Variants in PCDHGC4 observed in about 807,000 individuals in gnomAD.
The protein encoded by PCDHGC4 is protocadherin gamma subfamily C, 4.
Under a neutral mutation model 59.7 loss-of-function variants are expected in PCDHGC4, and 15 were observed. The ratio of observed to expected loss-of-function variants is 0.25; its 90% CI spans 0.17 to 0.39. The LOEUF is 0.39. PCDHGC4 is among the 10% of genes least tolerant of loss of function. The pLI, the probability that PCDHGC4 is intolerant of heterozygous loss-of-function variation, is 1.00. For synonymous variants in PCDHGC4, 434 were observed against 481.4 expected, an observed-to-expected ratio of 0.90 and a Z score of 1.29; for missense variants, 1,016 against 1,189.5, an observed-to-expected ratio of 0.85 and a Z score of 2.15.
chr5:141,491,438 G>A lies in PCDHGC4; in HGVS notation c.2443-3369G>A, dbSNP rs376927300. The A allele has an allele frequency of 3.7e-6, 6 of 1,614,066 alleles. No homozygotes were observed. Among genetic ancestry groups the A allele is most frequent in the Admixed American group, 1.7e-5 (1 of 60,016 alleles). On this transcript the variant is annotated intron_variant, in intron 1 of 3. Coordinates refer to ENST00000306593, the MANE Select transcript of PCDHGC4 (RefSeq NM_018928.3). This position sits in a 1 kb window ranked among gnomAD's most constrained non-coding sequence, Gnocchi z 6.9. ...GGGGGTGGAGGGCAGTGCTGCAGGC[G>A]CCAGGACTCACCCTCCCCGGACTTC...
Position 141,489,454 on chromosome 5 carries a change from G to C in PCDHGC4, c.2442+1839G>C, listed in dbSNP as rs1177748773. 1 of 1,613,940 alleles carries C rather than the reference G, an allele frequency of 6.2e-7. No homozygotes were observed. The highest frequency in any genetic ancestry group is 1.3e-5 in the African/African-American group (1 of 74,906). On this transcript the variant is annotated intron_variant, in intron 1 of 3. Transcript: ENST00000306593. This position sits in a 1 kb window ranked among gnomAD's most constrained non-coding sequence, Gnocchi z 4.5. ...GCTGCAATTGGGCTCTGAGGAGAAT[G>C]GGCGCTATTTTTCCCTGAGCTTGAT...
intron 2 of PCDHGC4, among the ~76,000 whole-genome samples, chr5:141,498,889 C>T (rs1415870992): frequency 3.4e-5 from 5 of 146,174 alleles, no homozygotes; most frequent in African/African-American, 1.3e-4. Flanking sequence ...GCTGAGATCA[C>T]ACCACTGCAC....
At chr5:141,501,866 C>T (rs1193396289) in intron 2 of PCDHGC4, among the ~76,000 whole-genome samples, 4 of 152,108 alleles carry the variant, frequency 2.6e-5, no homozygotes, top group South Asian at 2.1e-4. Context: ...TTTCCCAGGA[C>T]GCCTCCTTAC....
At position 141,491,251 on chromosome 5, in the gene PCDHGC4, C is replaced by A; in HGVS notation, c.2443-3556C>A. On this transcript the variant is annotated intron_variant, in intron 1 of 3. Coordinates refer to ENST00000306593, the MANE Select transcript of PCDHGC4 (RefSeq NM_018928.3). This position sits in a 1 kb window ranked among gnomAD's most constrained non-coding sequence, Gnocchi z 6.9. ...GCTGCTGGTTCTGGAGGATGAGGAC[C>A]CTGAGGAAATGCCCAAATCCAGTGA... 6.2e-7 allele frequency: 1 copy of A among 1,614,144 alleles called. No homozygotes were observed. Among genetic ancestry groups the A allele is most frequent in the Non-Finnish European group, 8.5e-7 (1 of 1,180,016 alleles).
rs537755017 is a variant in PCDHGC4 at position 141,491,797 on chromosome 5, G to A, written c.2443-3010G>A. 16 of 1,506,818 alleles carry A rather than the reference G, an allele frequency of 1.1e-5. No individual in the cohort carries two copies. In the Admixed American group the frequency reaches 2.2e-4, roughly 20 times the overall value. The allele number at this position is 1,506,818 out of a possible 1,614,324, so 93.3% of individuals were successfully genotyped here. A position where few individuals can be genotyped will look rare whatever the true frequency, so the allele number is the denominator to read the frequency against. ...ATTGAACTTGCATCCACTCCTCTCC[G>A]GCCGGCTTGGTCGCTGGCTGCGCTC... On this transcript the variant is annotated intron_variant, in intron 1 of 3. Transcript: ENST00000306593. The surrounding 1 kb of genome is among the most constrained non-coding windows in gnomAD (Gnocchi z 6.9).
In PCDHGC4 at chr5:141,490,390, G is replaced by C. The variant is rs2099699651; in HGVS notation, c.2442+2775G>C. The C allele has an allele frequency of 6.2e-7, 1 of 1,614,074 alleles. No individual in the cohort carries two copies. The highest frequency in any genetic ancestry group is 8.5e-7 in the Non-Finnish European group (1 of 1,180,040). On this transcript the variant is annotated intron_variant, in intron 1 of 3. Coordinates refer to ENST00000306593, the MANE Select transcript of PCDHGC4 (RefSeq NM_018928.3). This position sits in a 1 kb window ranked among gnomAD's most constrained non-coding sequence, Gnocchi z 5.4. ...AGACCGGGACTCAGGTAGAAATGGT[G>C]AAGTGAGCCTTGATATCTCTCCGGA... is the stretch of plus-strand genomic sequence containing the variant.
intron 3 of PCDHGC4, 125 bp downstream of exon 3, chr5:141,505,606 C>G: frequency 6.5e-7 from 1 of 1,528,642 alleles, no homozygotes; most frequent in Non-Finnish European, 8.8e-7. Flanking sequence ...TTCGGCAGGT[C>G]TGAAAGGACC....
In PCDHGC4 at chr5:141,490,601, T is replaced by C. The variant is rs777393370; in HGVS notation, c.2442+2986T>C. 1 of 1,614,176 alleles carries C rather than the reference T, an allele frequency of 6.2e-7. No homozygotes were observed. The highest frequency in any genetic ancestry group is 8.5e-7 in the Non-Finnish European group (1 of 1,180,030). ...GATGTCAATGACAATGCACCCCGCTTCAACCAGCAGCTTTACACTGCTTAC... is the reference window on the plus strand; with the variant it reads ...GATGTCAATGACAATGCACCCCGCTCCAACCAGCAGCTTTACACTGCTTAC... On this transcript the variant is annotated intron_variant, in intron 1 of 3. Transcript: ENST00000306593. This position sits in a 1 kb window ranked among gnomAD's most constrained non-coding sequence, Gnocchi z 5.4.
rs1049831420 is a variant in PCDHGC4 at position 141,486,549 on chromosome 5, C to T, written c.1376C>T (p.Ser459Leu). ...AATCCACCCTCTTTCTTTCAGAGGTCACATGAGGTGTTTGTTCCTGAGAAC... is the reference window on the plus strand; with the variant it reads ...AATCCACCCTCTTTCTTTCAGAGGTTACATGAGGTGTTTGTTCCTGAGAAC... ...NDNPPSFFQR[S>L]HEVFVPENNR... Residue 459 changes from serine to leucine, a missense_variant, in exon 1 of 4, where the codon TCA (serine) becomes TTA (leucine). By Grantham distance (145) the Ser-to-Leu change is moderately radical. Coordinates refer to ENST00000306593, the MANE Select transcript of PCDHGC4 (RefSeq NM_018928.3). This position sits in a 1 kb window ranked among gnomAD's most constrained non-coding sequence, Gnocchi z 5.0. The T allele has an allele frequency of 3.1e-6, 5 of 1,613,982 alleles. No individual in the cohort carries two copies. In the African/African-American group the frequency reaches 4.0e-5, roughly 13 times the overall value.
chr5:141,491,233 G>T lies in PCDHGC4; in HGVS notation c.2443-3574G>T. 1 of 1,614,224 alleles carries T rather than the reference G, an allele frequency of 6.2e-7. No homozygotes were observed. The highest frequency in any genetic ancestry group is 2.2e-5 in the East Asian group (1 of 44,890). On this transcript the variant is annotated intron_variant, in intron 1 of 3. Transcript: ENST00000306593. The surrounding 1 kb of genome is among the most constrained non-coding windows in gnomAD (Gnocchi z 6.9). ...CTCCTCCACAGCCACAGTGCTGCTG[G>T]TTCTGGAGGATGAGGACCCTGAGGA...
In PCDHGC4 at chr5:141,511,580, G is replaced by A. The variant is rs1436011320; in HGVS notation, c.*407G>A. ...CTCTTTCCCGAGTAAGGTGGTTGGG[G>A]TGTTGAAGTACCAAGTAACCTACAA... On this transcript the variant is annotated 3_prime_UTR_variant, in exon 4 of 4. Coordinates refer to ENST00000306593, the MANE Select transcript of PCDHGC4 (RefSeq NM_018928.3). 2 of 282,206 alleles carry A rather than the reference G, an allele frequency of 7.1e-6. No individual in the cohort carries two copies. Among genetic ancestry groups the A allele is most frequent in the Admixed American group, 4.6e-5 (1 of 21,516 alleles). The allele number at this position is 282,206 out of a possible 1,614,324, so 17.5% of individuals were successfully genotyped here.
At chr5:141,501,318 C>T (rs1273608837) in intron 2 of PCDHGC4, among the ~76,000 whole-genome samples, 1 of 151,766 alleles carries the variant, frequency 6.6e-6, no homozygotes, top group African/African-American at 2.4e-5. Flanking sequence ...CACACACACA[C>T]ACACACACAC....
At chr5:141,499,679 T>G (rs2099793341) in intron 2 of PCDHGC4, among the ~76,000 whole-genome samples, 1 of 150,922 alleles carries the variant, frequency 6.6e-6, no homozygotes, top group South Asian at 2.1e-4. Context: ...CCACCATCTT[T>G]AACAGATGAC....
intron 3 of PCDHGC4, among the ~76,000 whole-genome samples, chr5:141,509,050 C>T (rs867585045): frequency 1.6e-4 from 25 of 152,304 alleles, no homozygotes; most frequent in Admixed American, 5.2e-4. Flanking sequence ...CCCCCGCCCC[C>T]AGAAAGCTCT....
chr5:141,501,970 T>C (rs2099812082), intron 2 of PCDHGC4, among the ~76,000 whole-genome samples: 1 of 152,068 alleles, frequency 6.6e-6, no homozygotes. Flanking sequence ...TCCTAACCTC[T>C]GGCATCTGGT....
Position 141,489,090 on chromosome 5 carries a change from C to CAAA in PCDHGC4, c.2442+1475_2442+1476insAAA. ...CCTGCCCACCCCCGCCACTCGGTGA[C>CAAA]TAAGAACTGCTGCAAGCAGGCAAAC... is the stretch of plus-strand genomic sequence containing the variant. On this transcript the variant is annotated intron_variant, in intron 1 of 3. Transcript: ENST00000306593. The surrounding 1 kb of genome is among the most constrained non-coding windows in gnomAD (Gnocchi z 4.5). 7 of 328,768 alleles carry CAAA rather than the reference C, an allele frequency of 2.1e-5. No homozygotes were observed. The highest frequency in any genetic ancestry group is 6.1e-5 in the Admixed American group (1 of 16,494). The allele number at this position is 328,768 out of a possible 1,614,324, so 20.4% of individuals were successfully genotyped here. A position where few individuals can be genotyped will look rare whatever the true frequency, so the allele number is the denominator to read the frequency against.
rs372245447 is a variant in PCDHGC4, at chr5:141,489,609, C to T, written c.2442+1994C>T. ...AGCTAATCCGTGTAGAGGTAGAGAT[C>T]CTGGATCTCAATGACAACTCTCCTA... On this transcript the variant is annotated intron_variant, in intron 1 of 3. Coordinates refer to ENST00000306593, the MANE Select transcript of PCDHGC4 (RefSeq NM_018928.3). This position sits in a 1 kb window ranked among gnomAD's most constrained non-coding sequence, Gnocchi z 4.5. The T allele has an allele frequency of 1.9e-6, 3 of 1,613,934 alleles. No homozygotes were observed. The African/African-American group carries it at 4.0e-5, about 22-fold the overall frequency.
intron 3 of PCDHGC4, among the ~76,000 whole-genome samples, chr5:141,508,649 C>T (rs1303066200): frequency 6.6e-6 from 1 of 152,126 alleles, no homozygotes; most frequent in Non-Finnish European, 1.5e-5. Flanking sequence ...CCGTCAGGCC[C>T]TTCCTGTCAT....
At position 141,493,188 on chromosome 5, in the gene PCDHGC4, C is replaced by T. The variant is rs1292810486; in HGVS notation, c.2443-1619C>T. Among the ~76,000 whole-genome samples the T allele has an allele frequency of 2.6e-5, 4 of 152,216 alleles. No individual in the cohort carries two copies. Among genetic ancestry groups the T allele is most frequent in the Non-Finnish European group, 4.4e-5 (3 of 68,046 alleles). ...ATTGAGAGAAACTTACTATATAACT[C>T]CTTTGAGAACCTCATCTCATTTGCT... On this transcript the variant is annotated intron_variant, in intron 1 of 3. Coordinates refer to ENST00000306593, the MANE Select transcript of PCDHGC4 (RefSeq NM_018928.3). The surrounding 1 kb of genome is among the most constrained non-coding windows in gnomAD (Gnocchi z 4.3).
Sources: gnomAD v4.1 joint callset for allele counts (sites outside exome capture counted in the v4.1 genomes callset) on GRCh38, gnomAD v4.1.1 for gene constraint, Gnocchi (gnomAD v3.1) non-coding constraint, MANE v1.5 for transcripts, NCBI Gene and HGNC (gene_info 2026-07-23, HGNC 2026-07-21) for gene names.